ZNF385D: variants seen among roughly 807,000 people sequenced by gnomAD.
ZNF385D encodes zinc finger protein 385D, also known as zinc finger protein 659.
A neutral mutation model predicts 35.8 loss-of-function variants in ZNF385D; 15 were observed. That is an observed-to-expected ratio of 0.42 (90% CI 0.28 to 0.64). The LOEUF (loss-of-function observed/expected upper bound fraction) is 0.64, where lower values mean the gene tolerates loss of function less well. Ranked by LOEUF, ZNF385D falls within the 30% of genes least tolerant of loss-of-function variation. The probability of loss-of-function intolerance (pLI) is 0.23; values close to 1 mark genes in which losing one functional copy is unlikely to be tolerated. For missense variants in ZNF385D, 474 were observed against 494.6 expected (o/e 0.96, Z 0.39); for synonymous variants, 212 against 186.8 (o/e 1.13, Z -1.10).
At chr3:22,223,749 G>A (rs368047318) in intron 2 of ZNF385D, among the ~76,000 whole-genome samples, 33 of 152,238 alleles carry the variant, frequency 2.2e-4, no homozygotes, top group African/African-American at 7.9e-4. Flanking sequence ...AAGGTGAGTG[G>A]AACATTTTCA....
chr3:22,261,651 TGG>T (rs761162584), intron 2 of ZNF385D, among the ~76,000 whole-genome samples: 188 of 151,944 alleles, frequency 1.2e-3, no homozygotes, highest in Admixed American at 2.8e-3. Context: ...AGCTAGGGTA[TGG>T]GGGTGGCATT....
intron 2 of ZNF385D, among the ~76,000 whole-genome samples, chr3:22,169,873 C>A (rs1314936693): frequency 1.3e-5 from 2 of 152,176 alleles, no homozygotes; most frequent in Non-Finnish European, 2.9e-5. Flanking sequence ...TGGCTCAGCA[C>A]AGCCTTGACC....
At chr3:22,104,488 A>C (rs1171954972) in intron 3 of ZNF385D, among the ~76,000 whole-genome samples, 1 of 152,154 alleles carries the variant, frequency 6.6e-6, no homozygotes, top group Non-Finnish European at 1.5e-5. Flanking sequence ...CTATTTCACT[A>C]ACTGTAAATG....
intron 3 of ZNF385D, among the ~76,000 whole-genome samples, chr3:21,913,696 G>A (rs1436622939): frequency 1.3e-5 from 2 of 152,070 alleles, no homozygotes; most frequent in African/African-American, 4.8e-5. Context: ...TCAGATGAAA[G>A]TATCAGATGC....
intron 3 of ZNF385D, among the ~76,000 whole-genome samples, chr3:21,983,196 G>T (rs1694603425): frequency 2.1e-5 from 3 of 145,350 alleles, no homozygotes; most frequent in South Asian, 4.4e-4. Context: ...TAAGTTTTAG[G>T]GTACATGTGC....
chr3:21,745,462 A>G (rs1283567231), intron 1 of ZNF385D, among the ~76,000 whole-genome samples: 3 of 152,156 alleles, frequency 2.0e-5, no homozygotes, highest in Admixed American at 1.3e-4. Flanking sequence ...CAGCTGCTTC[A>G]TAACGATTTT....
At position 21,751,194 on chromosome 3, in the gene ZNF385D, C is replaced by T. The variant is rs768531765; in HGVS notation, c.-278G>A. 3 of 1,367,312 alleles carry T rather than the reference C, an allele frequency of 2.2e-6. No individual in the cohort carries two copies. The highest frequency in any genetic ancestry group is 5.9e-5 in the East Asian group (2 of 33,642). The allele number at this position is 1,367,312 out of a possible 1,614,324, so 84.7% of individuals were successfully genotyped here. ...TCCTCCTTGCGATGTCCTTGCCGCG[C>T]CTGTGACATCAGGACTGAGAGTACT... On this transcript the variant is annotated 5_prime_UTR_variant, in exon 1 of 8. Transcript: ENST00000281523.
At chr3:22,331,366 GTAAA>G (rs1437115586) in intron 2 of ZNF385D, among the ~76,000 whole-genome samples, 2 of 151,820 alleles carry the variant, frequency 1.3e-5, no homozygotes, top group Non-Finnish European at 2.9e-5. Context: ...AGCAATTAAT[GTAAA>G]TAAATTATAG....
chr3:22,231,549 T>C (rs1698890427), intron 2 of ZNF385D, among the ~76,000 whole-genome samples: 2 of 152,130 alleles, frequency 1.3e-5, no homozygotes, highest in African/African-American at 4.8e-5. Flanking sequence ...GTGAGCTCTC[T>C]GGTGGCTTGG....
At chr3:22,106,757 T>C in intron 3 of ZNF385D, among the ~76,000 whole-genome samples, 1 of 152,192 alleles carries the variant, frequency 6.6e-6, no homozygotes. Flanking sequence ...GTGACGCAAC[T>C]GGATCTGTAA....
chr3:21,774,070 C>T (rs2071190404), intron 3 of ZNF385D, among the ~76,000 whole-genome samples: 2 of 151,906 alleles, frequency 1.3e-5, no homozygotes, highest in African/African-American at 2.4e-5. Context: ...ACATATACAC[C>T]ATGGAATACT....
chr3:21,982,617 T>G (rs188843902), intron 3 of ZNF385D, among the ~76,000 whole-genome samples: 1 of 152,198 alleles, frequency 6.6e-6, no homozygotes, highest in Non-Finnish European at 1.5e-5. Flanking sequence ...CATCCAATAC[T>G]GTGTTGAACA....
At chr3:21,688,774 G>C (rs1042953306) in intron 1 of ZNF385D, among the ~76,000 whole-genome samples, 9 of 152,122 alleles carry the variant, frequency 5.9e-5, no homozygotes, top group African/African-American at 2.2e-4. Context: ...ATGACACAAA[G>C]AGAGATTTCT....
Position 22,115,917 on chromosome 3 carries a change from G to C in ZNF385D, c.325+52900C>G, listed in dbSNP as rs143862372. Reference sequence around the variant, plus strand: ...TGTCAATACTTTAAAGCGAGCTGATGCCTATACCAAAAGCTGTCCGAGGTT... The same window carrying C: ...TGTCAATACTTTAAAGCGAGCTGATCCCTATACCAAAAGCTGTCCGAGGTT... On this transcript the variant is annotated intron_variant, in intron 3 of 5. Coordinates refer to the ZNF385D transcript ENST00000494108. Among the ~76,000 whole-genome samples, 736 of 152,156 alleles carry C rather than the reference G, an allele frequency of 4.8e-3. 3 individuals carry two copies. The highest frequency in any genetic ancestry group is 4.4e-3 in the Non-Finnish European group (298 of 67,988).
chr3:21,658,978 A>G (rs1046714695), intron 2 of ZNF385D, among the ~76,000 whole-genome samples: 1 of 152,068 alleles, frequency 6.6e-6, no homozygotes, highest in Admixed American at 6.6e-5. Flanking sequence ...GAATGTTTAA[A>G]GGAGTACTAA....
intron 4 of ZNF385D, among the ~76,000 whole-genome samples, chr3:21,456,388 A>G (rs1449221218): frequency 6.6e-6 from 1 of 152,236 alleles, no homozygotes; most frequent in Non-Finnish European, 1.5e-5. Context: ...CATATACACC[A>G]TGGAATACTA....
At chr3:21,657,316 T>C (rs758679694) in intron 2 of ZNF385D, among the ~76,000 whole-genome samples, 1 of 151,950 alleles carries the variant, frequency 6.6e-6, no homozygotes, top group Non-Finnish European at 1.5e-5. Context: ...AAAATATTCA[T>C]GCGTTGTGCA....
chr3:21,611,561 G>GT (rs898632754), intron 2 of ZNF385D, among the ~76,000 whole-genome samples: 1 of 152,080 alleles, frequency 6.6e-6, no homozygotes, highest in Non-Finnish European at 1.5e-5. Context: ...AATCATTTCT[G>GT]TTTTTTGTGA....
chr3:21,738,061 G>A (rs1373220570), intron 1 of ZNF385D, among the ~76,000 whole-genome samples: 1 of 152,242 alleles, frequency 6.6e-6, no homozygotes, highest in African/African-American at 2.4e-5. Context: ...CTTCCTGAAA[G>A]GGACCTGGAG....
Sources: gnomAD v4.1 joint callset for allele counts (sites outside exome capture counted in the v4.1 genomes callset) on GRCh38, gnomAD v4.1.1 for gene constraint, MANE v1.5 for transcripts, NCBI Gene and HGNC (gene_info 2026-07-23, HGNC 2026-07-21) for gene names.